The following DTX2 variants were observed in gnomAD, a reference collection of about 807,000 sequenced individuals.
DTX2 encodes probable E3 ubiquitin-protein ligase DTX2.
In DTX2, 29 loss-of-function variants were observed where a neutral mutation model predicts 55.3. The ratio of observed to expected loss-of-function variants is 0.52; its 90% CI spans 0.39 to 0.71. The LOEUF (loss-of-function observed/expected upper bound fraction) is 0.71. DTX2 is among the 30% of genes least tolerant of loss of function. DTX2 has a pLI of 0.00. For missense variants in DTX2, 537 were observed against 822.5 expected (o/e 0.65, Z 4.25); for synonymous variants, 276 against 340.4 (o/e 0.81, Z 2.08).
At chr7:76,483,746 C>T (rs1346716807) in intron 4 of DTX2, among the ~76,000 whole-genome samples, 3 of 150,668 alleles carry the variant, frequency 2.0e-5, no homozygotes, top group African/African-American at 7.4e-5. Context: ...CAGACCAGAG[C>T]GGGTGGCATT....
At chr7:76,474,279 G>A (rs191599863) in intron 2 of DTX2, among the ~76,000 whole-genome samples, 2,322 of 146,230 alleles carry the variant, frequency 0.016, 25 homozygotes, top group Non-Finnish European at 0.024. Flanking sequence ...GGTCTCAAAC[G>A]CCTGGCCTCA....
chr7:76,480,376 C>T, intron 2 of DTX2, 45 bp from the exon 3 acceptor site: 1 of 1,117,052 alleles, frequency 9.0e-7, no homozygotes, highest in Non-Finnish European at 1.2e-6. Flanking sequence ...TTCTGCAGGG[C>T]TACTGATGTG....
rs1183642671 is a variant in DTX2, at chr7:76,463,192, A to G, written c.-254-353A>G. On this transcript the variant is annotated intron_variant, in intron 1 of 10. Coordinates refer to ENST00000430490, the MANE Select transcript of DTX2 (RefSeq NM_001102594.3). ...ACTCGGGAAGCTGAGGCAGGAGAGTAGCTTGAACCTGGGAGGCGGAGGCTG... is the reference window on the plus strand; with the variant it reads ...ACTCGGGAAGCTGAGGCAGGAGAGTGGCTTGAACCTGGGAGGCGGAGGCTG... Among the ~76,000 whole-genome samples, 338 of 149,074 alleles carry G rather than the reference A, an allele frequency of 2.3e-3. 1 individual carries two copies. The East Asian group carries it at 0.052, about 23-fold the overall frequency.
rs2116397606 is a variant in DTX2, at chr7:76,482,871, C to G, written c.632C>G (p.Ser211Ter). The G allele has an allele frequency of 6.2e-7, 1 of 1,613,812 alleles. No homozygotes were observed. Among genetic ancestry groups the G allele is most frequent in the Non-Finnish European group, 8.5e-7 (1 of 1,179,750 alleles). The stretch of plus-strand genomic sequence containing the variant: ...AGTGGCAGCAGAACTGGCCCCGTGT[C>G]AGGCCGCTACCGCCACTCCATGACC... ...CLSGSRTGPV[S>*]GRYRHSMTNL... The change falls in exon 4 of 11, where the codon TCA (serine) becomes TGA (stop). Residue 211 changes from serine (S) to a stop codon, truncating the protein, a stop_gained. Coordinates refer to ENST00000430490, the MANE Select transcript of DTX2 (RefSeq NM_001102594.3). LOFTEE classifies it high-confidence loss of function.
Position 76,494,534 on chromosome 7 carries a change from T to A in DTX2, c.1009+2281T>A, listed in dbSNP as rs1359132638. ...GCGACCTCTGAGGCCATGACACAGA[T>A]CTAAGTGCTCTGGGTGTGGAGTTAG... On this transcript the variant is annotated intron_variant, in intron 5 of 10. Transcript: ENST00000430490. Among the ~76,000 whole-genome samples, 9 of 83,192 alleles carry A rather than the reference T, an allele frequency of 1.1e-4. 2 individuals carry two copies. Among genetic ancestry groups the A allele is most frequent in the Admixed American group, 8.0e-4 (7 of 8,786 alleles). 54.6% of individuals were successfully genotyped at this position (83,192 alleles called of 152,430 possible).
intron 6 of DTX2, among the ~76,000 whole-genome samples, chr7:76,498,472 C>T (rs1250791166): frequency 1.5e-4 from 22 of 148,340 alleles, no homozygotes; most frequent in South Asian, 4.5e-4. Flanking sequence ...GGGAAGGACA[C>T]GCTCTTGGTG....
intron 8 of DTX2, chr7:76,502,953 C>A (rs4236507): frequency 0.35 from 75,039 of 212,528 alleles, 14,241 homozygotes; most frequent in East Asian, 0.42. Flanking sequence ...TGAAGAGCCG[C>A]GCCCAGACTG....
At chr7:76,476,496 T>C (rs1278635793) in intron 2 of DTX2, among the ~76,000 whole-genome samples, 2 of 151,908 alleles carry the variant, frequency 1.3e-5, no homozygotes, top group Non-Finnish European at 2.9e-5. Context: ...CTCAGGGAGT[T>C]TCTGTTTTGG....
At chr7:76,483,425 T>A (rs550348866) in intron 4 of DTX2, among the ~76,000 whole-genome samples, 1 of 152,396 alleles carries the variant, frequency 6.6e-6, no homozygotes, top group South Asian at 2.1e-4. Context: ...GTTAAAGGCC[T>A]GTGGCCTCTG....
chr7:76,503,136 G>A (rs1811925282), intron 8 of DTX2: 6 of 486,142 alleles, frequency 1.2e-5, no homozygotes, highest in East Asian at 3.3e-5. Flanking sequence ...CTGTCTATCC[G>A]ACTGCAAATG....
intron 2 of DTX2, among the ~76,000 whole-genome samples, chr7:76,476,452 T>G (rs1468980498): frequency 1.3e-5 from 2 of 151,922 alleles, no homozygotes; most frequent in African/African-American, 4.8e-5. Context: ...TCTGGGATAT[T>G]GGGCACCTGA....
Position 76,480,438 on chromosome 7 carries a change from G to A in DTX2, c.-72G>A, listed in dbSNP as rs1809045126. ...GTTCACAGATCTGCCGGAGGCGCTG[G>A]GCAATGACCCCGGGACTCCAGGCCA... On this transcript the variant is annotated 5_prime_UTR_variant, in exon 3 of 11. Coordinates refer to ENST00000430490, the MANE Select transcript of DTX2 (RefSeq NM_001102594.3). 24 of 1,448,686 alleles carry A rather than the reference G, an allele frequency of 1.7e-5. No individual in the cohort carries two copies. The South Asian group carries it at 2.8e-4, about 17-fold the overall frequency. 89.7% of individuals were successfully genotyped at this position (1,448,686 alleles called of 1,614,324 possible). A position where few individuals can be genotyped will look rare whatever the true frequency, so the allele number is the denominator to read the frequency against.
Position 76,472,682 on chromosome 7 carries a change from A to G in DTX2, c.-89-7739A>G, listed in dbSNP as rs200602962. Among the ~76,000 whole-genome samples, 140 of 151,000 alleles carry G rather than the reference A, an allele frequency of 9.3e-4. 1 individual carries two copies. In the East Asian group the frequency reaches 0.024, roughly 26 times the overall value. On this transcript the variant is annotated intron_variant, in intron 2 of 10. Transcript: ENST00000430490. ...ATACTTTCTCACTTTAGAAAATGTG[A>G]AAAGTTCAGATATATAAGGAAGTCA... is the stretch of plus-strand genomic sequence containing the variant.
rs1375658487 is a variant in DTX2, at chr7:76,488,643, C to A, written c.909-3510C>A. Among the ~76,000 whole-genome samples, 4 of 74,808 alleles carry A rather than the reference C, an allele frequency of 5.3e-5. No homozygotes were observed. The East Asian group carries it at 1.3e-3, about 25-fold the overall frequency. 49.1% of individuals were successfully genotyped at this position (74,808 alleles called of 152,430 possible). A position where few individuals can be genotyped will look rare whatever the true frequency, so the allele number is the denominator to read the frequency against. ...GGGTAGGGTGGCTCACACCTGTAAT[C>A]CCAGCACTTTGGGAGGCCGAGGTGG... On this transcript the variant is annotated intron_variant, in intron 4 of 10. Transcript: ENST00000430490.
rs1412322060 is a variant in DTX2 at position 76,483,074 on chromosome 7, C to A, written c.835C>A (p.Leu279Ile). 2 of 1,613,140 alleles carry A rather than the reference C, an allele frequency of 1.2e-6. No individual in the cohort carries two copies. The highest frequency in any genetic ancestry group is 1.7e-6 in the Non-Finnish European group (2 of 1,179,770). The change falls in exon 4 of 11, where the codon CTC (leucine) becomes ATC (isoleucine). Residue 279 changes from leucine to isoleucine, a missense_variant. Coordinates refer to ENST00000430490, the MANE Select transcript of DTX2 (RefSeq NM_001102594.3). ...TCCTCCTTCCCTGGGGAGCCAGCCC[C>A]TCTACCGCTCCAGCCTCTCCCACCT... ...AAPPSLGSQP[L>I]YRSSLSHLGP...
chr7:76,480,602 G>A lies in DTX2; in HGVS notation c.93G>A (p.Trp31Ter). The part of the protein sequence containing the change: ...VWEWQDGLGT[W>*]HPYSATVCSF... ...AATGGCAGGACGGGCTGGGCACCTGGCACCCCTACAGTGCCACCGTCTGCA... is the reference window on the plus strand; with the variant it reads ...AATGGCAGGACGGGCTGGGCACCTGACACCCCTACAGTGCCACCGTCTGCA... Residue 31 changes from tryptophan (W) to a stop codon, truncating the protein, a stop_gained, in exon 3 of 11, where the codon TGG becomes TGA. Coordinates refer to ENST00000430490, the MANE Select transcript of DTX2 (RefSeq NM_001102594.3). LOFTEE classifies it high-confidence loss of function. 2 of 1,613,180 alleles carry A rather than the reference G, an allele frequency of 1.2e-6. No individual in the cohort carries two copies. Among genetic ancestry groups the A allele is most frequent in the Non-Finnish European group, 1.7e-6 (2 of 1,179,962 alleles).
At chr7:76,480,841 G>A (rs1187896875) in intron 3 of DTX2, 64 bp downstream of exon 3, 19 of 1,495,364 alleles carry the variant, frequency 1.3e-5, no homozygotes, top group African/African-American at 2.8e-5. Flanking sequence ...CAGGCTCTGC[G>A]CCAGGTGTTG....
At chr7:76,487,148 C>T (rs1257616819) in intron 4 of DTX2, among the ~76,000 whole-genome samples, 1 of 58,954 alleles carries the variant, frequency 1.7e-5, no homozygotes, top group Non-Finnish European at 3.3e-5. Flanking sequence ...GCCTCAAACT[C>T]CTGGGCTCAA....
Position 76,503,148 on chromosome 7 carries a change from G to A in DTX2, c.1390-278G>A, listed in dbSNP as rs186332222. ...AGGCTGTCTATCCGACTGCAAATGC[G>A]ATTCACCCGTGGAGATTTCTGCTCA... On this transcript the variant is annotated intron_variant, in intron 8 of 10. Coordinates refer to ENST00000430490, the MANE Select transcript of DTX2 (RefSeq NM_001102594.3). Among the ~76,000 whole-genome samples, 44 of 152,330 alleles carry A rather than the reference G, an allele frequency of 2.9e-4. No individual in the cohort carries two copies. The East Asian group carries it at 5.0e-3, about 17-fold the overall frequency.
Sources: gnomAD v4.1 joint callset for allele counts (sites outside exome capture counted in the v4.1 genomes callset) on GRCh38, gnomAD v4.1.1 for gene constraint, MANE v1.5 for transcripts, NCBI Gene and HGNC (gene_info 2026-07-23, HGNC 2026-07-21) for gene names.